Variants in GRID1 observed in about 807,000 individuals in gnomAD.
GRID1 encodes the protein glutamate receptor ionotropic, delta-1.
Under a neutral mutation model 98.0 loss-of-function variants are expected in GRID1, and 28 were observed. The ratio of observed to expected loss-of-function variants is 0.29; its 90% CI spans 0.21 to 0.39. GRID1 has a LOEUF of 0.39. Ranked by LOEUF, GRID1 falls within the 10% of genes least tolerant of loss-of-function variation. The pLI, the probability that GRID1 is intolerant of heterozygous loss-of-function variation, is 1.00. For synonymous variants in GRID1, 553 were observed against 538.5 expected (o/e 1.03, Z -0.37); for missense variants, 1,111 against 1,340.5 (o/e 0.83, Z 2.67).
intron 4 of GRID1, among the ~76,000 whole-genome samples, chr10:86,059,011 G>A (rs1007766441): frequency 1.3e-5 from 2 of 152,214 alleles, no homozygotes; most frequent in Admixed American, 6.5e-5. Flanking sequence ...CTCATCTAGG[G>A]ACCAGAGGAA....
rs760039864 is a variant in GRID1, at chr10:85,724,344, A to G, written c.1858+8T>C. The G allele has an allele frequency of 3.1e-6, 5 of 1,604,238 alleles. No homozygotes were observed. On this transcript the variant is annotated splice_region_variant and intron_variant, in intron 11 of 15. Transcript: ENST00000327946. ...AGCTATTCAATGATCAGGAAACCAGAAAGGTACCTTGCTGTACGAAGGCTC... is the reference window on the plus strand; with the variant it reads ...AGCTATTCAATGATCAGGAAACCAGGAAGGTACCTTGCTGTACGAAGGCTC...
chr10:86,142,349 C>T lies in GRID1; in HGVS notation c.521-3325G>A, dbSNP rs376483849. On this transcript the variant is annotated intron_variant, in intron 3 of 15. Coordinates refer to ENST00000327946, the MANE Select transcript of GRID1 (RefSeq NM_017551.3). The stretch of plus-strand genomic sequence containing the variant: ...TTGTATCTGGTATAGCTTATGAAAA[C>T]GTTAAGTGAAAAAGCAATGCCTTTA... Among the ~76,000 whole-genome samples, 12 of 152,248 alleles carry T rather than the reference C, an allele frequency of 7.9e-5. No homozygotes were observed. The East Asian group carries it at 1.7e-3, about 22-fold the overall frequency.
chr10:86,229,863 G>A (rs1436996833), intron 2 of GRID1, among the ~76,000 whole-genome samples: 2 of 152,162 alleles, frequency 1.3e-5, no homozygotes, highest in East Asian at 3.9e-4. Context: ...CCCAGGCTAG[G>A]CTATGTCCTC....
chr10:85,882,613 G>GT (rs1334686870), intron 5 of GRID1, among the ~76,000 whole-genome samples: 2 of 152,106 alleles, frequency 1.3e-5, no homozygotes, highest in Non-Finnish European at 2.9e-5. Context: ...CACACTCCCG[G>GT]AACTGTTGTG....
intron 2 of GRID1, among the ~76,000 whole-genome samples, chr10:86,323,691 T>A (rs1848002436): frequency 6.6e-6 from 1 of 152,150 alleles, no homozygotes; most frequent in Non-Finnish European, 1.5e-5. Flanking sequence ...CTTCTCAGGA[T>A]AATGAAAATG....
At chr10:85,614,137 C>T (rs986579156) in intron 14 of GRID1, among the ~76,000 whole-genome samples, 5 of 152,224 alleles carry the variant, frequency 3.3e-5, no homozygotes, top group Non-Finnish European at 7.3e-5. Flanking sequence ...ATCTTCTGTG[C>T]TTTGCCTAGT....
intron 12 of GRID1, chr10:85,709,284 C>G (rs1297424795): frequency 6.3e-6 from 1 of 157,916 alleles, no homozygotes; most frequent in East Asian, 1.9e-4. Context: ...TACCCCAGCT[C>G]TTCCTTCAGT....
intron 4 of GRID1, among the ~76,000 whole-genome samples, chr10:86,083,400 G>T (rs1458275349): frequency 1.3e-5 from 2 of 152,190 alleles, no homozygotes; most frequent in Admixed American, 1.3e-4. Flanking sequence ...CTGTAGAACA[G>T]CAGTGAAGTG....
intron 8 of GRID1, among the ~76,000 whole-genome samples, chr10:85,737,708 T>C (rs1261914550): frequency 1.2e-5 from 1 of 84,036 alleles, no homozygotes; most frequent in Non-Finnish European, 2.2e-5. Flanking sequence ...ATATATAACA[T>C]ACATGTTTAT....
chr10:86,255,938 C>A (rs934764557), intron 2 of GRID1, among the ~76,000 whole-genome samples: 3 of 152,214 alleles, frequency 2.0e-5, no homozygotes, highest in African/African-American at 4.8e-5. Flanking sequence ...CGGCCTCCCC[C>A]ATGGTGTGCA....
chr10:86,004,640 C>A (rs1177732638), intron 4 of GRID1, among the ~76,000 whole-genome samples: 1 of 152,158 alleles, frequency 6.6e-6, no homozygotes, highest in Non-Finnish European at 1.5e-5. Context: ...CTCCAACCTG[C>A]TGGCTCACTC....
rs548103129 is a variant in GRID1, at chr10:86,083,091, T to A, written c.726+55728A>T. On this transcript the variant is annotated intron_variant, in intron 4 of 15. Coordinates refer to ENST00000327946, the MANE Select transcript of GRID1 (RefSeq NM_017551.3). Reference sequence around the variant, plus strand: ...TGGGGGCTCAGTAAAGTCTGTGAAATGACTGAGTGAACAGGTGAGTGCAAG... The same window carrying A: ...TGGGGGCTCAGTAAAGTCTGTGAAAAGACTGAGTGAACAGGTGAGTGCAAG... Among the ~76,000 whole-genome samples, 25 of 152,328 alleles carry A rather than the reference T, an allele frequency of 1.6e-4. No individual in the cohort carries two copies. The South Asian group carries it at 4.8e-3, about 29-fold the overall frequency.
At chr10:85,909,389 T>C (rs1042424071) in intron 5 of GRID1, among the ~76,000 whole-genome samples, 1 of 152,194 alleles carries the variant, frequency 6.6e-6, no homozygotes, top group East Asian at 1.9e-4. Context: ...GCAATTCCAC[T>C]TGTAGGTATG....
intron 15 of GRID1, among the ~76,000 whole-genome samples, chr10:85,609,710 G>A (rs1372222135): frequency 6.6e-6 from 1 of 152,208 alleles, no homozygotes; most frequent in African/African-American, 2.4e-5. Flanking sequence ...CCAGGGGAGG[G>A]CAGGCAAGGC....
intron 13 of GRID1, among the ~76,000 whole-genome samples, chr10:85,624,082 A>G (rs1373967501): frequency 1.3e-5 from 2 of 152,112 alleles, no homozygotes; most frequent in Non-Finnish European, 2.9e-5. Context: ...TCTTGTCCCT[A>G]CTTACAGGTG....
At chr10:86,200,761 A>G (rs1356780570) in intron 3 of GRID1, among the ~76,000 whole-genome samples, 1 of 152,254 alleles carries the variant, frequency 6.6e-6, no homozygotes, top group African/African-American at 2.4e-5. Context: ...AAACAGGCAA[A>G]AAAATCAACT....
intron 3 of GRID1, among the ~76,000 whole-genome samples, chr10:86,150,168 T>C (rs1845143726): frequency 6.6e-6 from 1 of 152,244 alleles, no homozygotes; most frequent in Non-Finnish European, 1.5e-5. Context: ...CCCCACAAGC[T>C]TCTTTCCTGC....
chr10:85,841,898 AT>A (rs778349328), intron 8 of GRID1, among the ~76,000 whole-genome samples: 15 of 152,266 alleles, frequency 9.9e-5, no homozygotes, highest in South Asian at 8.3e-4. Context: ...TAGTTCAACC[AT>A]TGTGGAAGAC....
intron 2 of GRID1, among the ~76,000 whole-genome samples, chr10:86,233,188 G>A (rs1846482939): frequency 1.3e-5 from 2 of 152,016 alleles, no homozygotes; most frequent in Admixed American, 1.3e-4. Flanking sequence ...ACCGAGAGAG[G>A]GAAAGCCGTC....
Sources: gnomAD v4.1 joint callset for allele counts (sites outside exome capture counted in the v4.1 genomes callset) on GRCh38, gnomAD v4.1.1 for gene constraint, MANE v1.5 for transcripts, NCBI Gene and HGNC (gene_info 2026-07-23, HGNC 2026-07-21) for gene names.